The following HDHD2 variants were observed in gnomAD, a reference collection of about 807,000 sequenced individuals.
The protein encoded by HDHD2 is haloacid dehalogenase like hydrolase domain containing 2.
A neutral mutation model predicts 24.8 loss-of-function variants in HDHD2; 26 were observed. The ratio of observed to expected loss-of-function variants is 1.05; its 90% CI spans 0.77 to 1.45. The LOEUF (loss-of-function observed/expected upper bound fraction) is 1.45. Ranked by LOEUF, HDHD2 falls within the 40% of genes most tolerant of loss-of-function variation. The pLI, the probability that HDHD2 is intolerant of heterozygous loss-of-function variation, is 0.00. For synonymous variants in HDHD2, 128 were observed against 114.9 expected (o/e 1.11, Z -0.73); for missense variants, 299 against 313.4 (o/e 0.95, Z 0.35).
intron 2 of HDHD2, among the ~76,000 whole-genome samples, chr18:47,135,215 T>G (rs1209907552): frequency 6.6e-6 from 1 of 152,028 alleles, no homozygotes; most frequent in African/African-American, 2.4e-5. Flanking sequence ...GTCAATCTTT[T>G]GCCCTAATAC....
intron 3 of HDHD2, among the ~76,000 whole-genome samples, chr18:47,131,135 A>G (rs1383755489): frequency 1.3e-5 from 2 of 151,924 alleles, no homozygotes; most frequent in African/African-American, 2.4e-5. Flanking sequence ...TGCCAACCAC[A>G]CCCGGCTAAT....
At chr18:47,110,282 G>A in intron 6 of HDHD2, 1 of 985,338 alleles carries the variant, frequency 1.0e-6, no homozygotes, top group Non-Finnish European at 1.2e-6. Context: ...CAGGAAGGGA[G>A]CCAGCATCAA....
chr18:47,119,123 G>A (rs989645480), intron 4 of HDHD2, among the ~76,000 whole-genome samples: 8 of 152,188 alleles, frequency 5.3e-5, no homozygotes, highest in Non-Finnish European at 7.3e-5. Context: ...CTTTTTGTGG[G>A]CAGAAGGCCT....
At chr18:47,137,746 A>G (rs2063779720) in intron 1 of HDHD2, among the ~76,000 whole-genome samples, 1 of 152,162 alleles carries the variant, frequency 6.6e-6, no homozygotes. Flanking sequence ...AGACAATTTT[A>G]TAACTTTTTC....
intron 6 of HDHD2, 52 bp downstream of exon 6, chr18:47,112,925 T>A: frequency 7.0e-7 from 1 of 1,431,964 alleles, no homozygotes; most frequent in South Asian, 1.1e-5. Flanking sequence ...TTTAAGCAAC[T>A]GTGTATTCTA....
At chr18:47,127,916 AAT>A (rs1158663821) in intron 4 of HDHD2, among the ~76,000 whole-genome samples, 1 of 152,196 alleles carries the variant, frequency 6.6e-6, no homozygotes. Flanking sequence ...TTTAAAATCC[AAT>A]GTTTATTGTC....
At chr18:47,144,566 T>G (rs2063849816) in intron 1 of HDHD2, among the ~76,000 whole-genome samples, 1 of 151,938 alleles carries the variant, frequency 6.6e-6, no homozygotes, top group Admixed American at 6.6e-5. Context: ...GACTAGCAGG[T>G]GCCTGGCTAC....
chr18:47,148,525 A>G (rs2063896825), intron 1 of HDHD2, among the ~76,000 whole-genome samples: 1 of 152,186 alleles, frequency 6.6e-6, no homozygotes. Context: ...AAGAAAAGCC[A>G]TATTCTCTCA....
chr18:47,115,142 A>G lies in HDHD2; in HGVS notation c.602T>C (p.Met201Thr), dbSNP rs766797997. 1.4e-5 allele frequency: 22 copies of G among 1,612,992 alleles called. No individual in the cohort carries two copies. Among genetic ancestry groups the G allele is most frequent in the South Asian group, 2.2e-5 (2 of 91,032 alleles). ...GTGCEPEEAV[M>T]IGDDCRDDVG... is the part of the protein sequence containing the mutation. ...GGTTCTTCTACTTACATCTCCTATC[A>G]TGACAGCCTCCTCAGGTTCACAGCC... Residue 201 changes from methionine to threonine, a missense_variant, in exon 5 of 7, where the codon ATG becomes ACG. By Grantham distance (81) the Met-to-Thr change is moderately conservative (BLOSUM62 -1). Transcript: ENST00000300605.
At chr18:47,140,014 G>T (rs970141429) in intron 1 of HDHD2, among the ~76,000 whole-genome samples, 1 of 152,204 alleles carries the variant, frequency 6.6e-6, no homozygotes, top group Non-Finnish European at 1.5e-5. Flanking sequence ...TTTCCTGGAA[G>T]TAACTGGTAC....
At chr18:47,149,576 G>A (rs2063908821) in intron 1 of HDHD2, among the ~76,000 whole-genome samples, 1 of 150,056 alleles carries the variant, frequency 6.7e-6, no homozygotes, top group South Asian at 2.1e-4. Context: ...GGTACTGCAG[G>A]CGGCCAAGAG....
chr18:47,108,024 T>C lies in HDHD2; in HGVS notation c.*658A>G, dbSNP rs2063487832. The C allele has an allele frequency of 6.5e-6, 1 of 152,676 alleles. No homozygotes were observed. The highest frequency in any genetic ancestry group is 2.4e-5 in the African/African-American group (1 of 41,470). 9.5% of individuals were successfully genotyped at this position (152,676 alleles called of 1,614,324 possible). ...GTATCTGCAATGAATAGGTTATTAA[T>C]GGAAATATTAATTTAAATTAAAATC... is the stretch of plus-strand genomic sequence containing the variant. On this transcript the variant is annotated 3_prime_UTR_variant, in exon 7 of 7. Transcript: ENST00000300605.
intron 1 of HDHD2, among the ~76,000 whole-genome samples, chr18:47,147,323 A>G (rs1007141653): frequency 2.2e-4 from 34 of 152,302 alleles, no homozygotes; most frequent in African/African-American, 7.5e-4. Context: ...ATGTTATTCT[A>G]TTTCTGATCT....
In HDHD2 at chr18:47,136,371, T is replaced by G; in HGVS notation, c.69A>C (p.Ala23=). 1 of 1,613,310 alleles carries G rather than the reference T, an allele frequency of 6.2e-7. No individual in the cohort carries two copies. The highest frequency in any genetic ancestry group is 8.5e-7 in the Non-Finnish European group (1 of 1,179,652). ...DLSGTLHIED[A]AVPGAQEALK... ...GAGCTTCCTGTGCGCCTGGCACAGC[T>G]GCATCTTCAATGTGAAGTGTGCCAC... The change falls in exon 2 of 7, where the codon GCA becomes GCC. Residue 23 remains alanine (A), a synonymous_variant. Coordinates refer to ENST00000300605, the MANE Select transcript of HDHD2 (RefSeq NM_032124.5).
chr18:47,127,112 G>A (rs2063666568), intron 4 of HDHD2, among the ~76,000 whole-genome samples: 1 of 152,060 alleles, frequency 6.6e-6, no homozygotes, highest in Non-Finnish European at 1.5e-5. Flanking sequence ...AGTGAGCCAA[G>A]ATCGCACCAC....
At chr18:47,110,580 C>T (rs1178733484) in intron 6 of HDHD2, 7 of 985,346 alleles carry the variant, frequency 7.1e-6, no homozygotes, top group Non-Finnish European at 8.4e-6. Context: ...AGTGGGGTTT[C>T]TACAAAATAG....
At chr18:47,146,344 C>T (rs1227226642) in intron 1 of HDHD2, among the ~76,000 whole-genome samples, 1 of 152,102 alleles carries the variant, frequency 6.6e-6, no homozygotes, top group African/African-American at 2.4e-5. Flanking sequence ...ATGCACCAAC[C>T]TACAGATGGG....
intron 6 of HDHD2, chr18:47,111,929 A>G (rs1400373891): frequency 2.6e-6 from 1 of 387,048 alleles, no homozygotes; most frequent in Admixed American, 6.4e-5. Flanking sequence ...CCAATTAAAT[A>G]GTTTTACTAC....
Position 47,136,455 on chromosome 18 carries a change from A to G in HDHD2, c.-10-6T>C. 1 of 1,609,640 alleles carries G rather than the reference A, an allele frequency of 6.2e-7. No homozygotes were observed. The highest frequency in any genetic ancestry group is 8.5e-7 in the Non-Finnish European group (1 of 1,178,846). On this transcript the variant is annotated splice_region_variant and splice_polypyrimidine_tract_variant and intron_variant, in intron 1 of 6. Transcript: ENST00000300605. ...ATGCTGCCATCCTTCATTCCCTAGG[A>G]GAGAGCAAATGAAATTAAAAATACA...
Sources: allele counts gnomAD v4.1 joint callset (sites outside exome capture counted in the v4.1 genomes callset), GRCh38; gene constraint gnomAD v4.1.1; transcripts MANE v1.5; gene names NCBI Gene and HGNC (gene_info 2026-07-23, HGNC 2026-07-21).